The following MAF variants were observed in gnomAD, a reference collection of about 807,000 sequenced individuals.
MAF encodes the protein MAF bZIP transcription factor.
A neutral mutation model predicts 22.0 loss-of-function variants in MAF; 10 were observed. That is an observed-to-expected ratio of 0.45 (90% CI 0.28 to 0.77). The LOEUF is 0.77. MAF is among the 30% of genes least tolerant of loss of function. MAF has a pLI of 0.12. For synonymous variants in MAF, 337 were observed against 255.8 expected (o/e 1.32, Z -3.03); for missense variants, 544 against 548.4 (o/e 0.99, Z 0.08).
At chr16:79,547,035 C>G in the MAF span, among the ~76,000 whole-genome samples, 1 of 152,130 alleles carries the variant, frequency 6.6e-6, no homozygotes, top group Non-Finnish European at 1.5e-5. Flanking sequence ...CAGACATGGT[C>G]ACAGGACATG....
At chr16:79,258,629 G>A in the MAF span, among the ~76,000 whole-genome samples, 1 of 152,198 alleles carries the variant, frequency 6.6e-6, no homozygotes, top group Non-Finnish European at 1.5e-5. Flanking sequence ...GCCCTCAACA[G>A]GCTTTGGGGA....
chr16:79,498,131 G>C, the MAF span, among the ~76,000 whole-genome samples: 1 of 152,206 alleles, frequency 6.6e-6, no homozygotes, highest in Non-Finnish European at 1.5e-5. Context: ...CTGAGGTGTG[G>C]TCAGGCAGAG....
the MAF span, among the ~76,000 whole-genome samples, chr16:79,515,800 C>T: frequency 6.6e-6 from 1 of 152,118 alleles, no homozygotes; most frequent in Admixed American, 6.5e-5. Context: ...GTCTGAGATC[C>T]AGTGATGGAA....
At chr16:79,244,980 T>G in the MAF span, among the ~76,000 whole-genome samples, 2 of 152,070 alleles carry the variant, frequency 1.3e-5, no homozygotes, top group Non-Finnish European at 2.9e-5. Flanking sequence ...GTTTCCCTAT[T>G]TGATAAACGG....
the MAF span, among the ~76,000 whole-genome samples, chr16:79,228,965 A>T: frequency 6.6e-6 from 1 of 151,774 alleles, no homozygotes; most frequent in South Asian, 2.1e-4. Flanking sequence ...AGGGGCCAAG[A>T]TGGGCTTTCA....
At chr16:79,409,089 G>T in the MAF span, among the ~76,000 whole-genome samples, 1 of 152,016 alleles carries the variant, frequency 6.6e-6, no homozygotes, top group Non-Finnish European at 1.5e-5. Context: ...TGTGTAGCAG[G>T]ACGGCATTGG....
the MAF span, among the ~76,000 whole-genome samples, chr16:79,242,643 A>G: frequency 6.6e-6 from 1 of 151,976 alleles, no homozygotes; most frequent in Non-Finnish European, 1.5e-5. Flanking sequence ...GAGACAGATC[A>G]ATGAGACAGA....
the MAF span, among the ~76,000 whole-genome samples, chr16:79,394,955 CTATAGCACAGAGCA>C: frequency 6.6e-6 from 1 of 152,170 alleles, no homozygotes; most frequent in Admixed American, 6.5e-5. Flanking sequence ...CAGGCCAGCT[CTATAGCACAGAGCA>C]TATAGCACAG....
At chr16:79,263,027 G>A in the MAF span, among the ~76,000 whole-genome samples, 7 of 152,246 alleles carry the variant, frequency 4.6e-5, no homozygotes, top group African/African-American at 1.7e-4. Flanking sequence ...TCACCCATAG[G>A]ATGTGACTGA....
At chr16:79,422,447 T>C in the MAF span, among the ~76,000 whole-genome samples, 1 of 152,192 alleles carries the variant, frequency 6.6e-6, no homozygotes, top group Non-Finnish European at 1.5e-5. Context: ...TGGGTTAAAA[T>C]GACAGACCTG....
chr16:79,546,455 A>G, the MAF span, among the ~76,000 whole-genome samples: 3 of 152,204 alleles, frequency 2.0e-5, no homozygotes, highest in Non-Finnish European at 4.4e-5. Context: ...TTGAAAATGT[A>G]GGAAGTGATA....
At chr16:79,388,641 A>AATGG in the MAF span, among the ~76,000 whole-genome samples, 13 of 152,236 alleles carry the variant, frequency 8.5e-5, no homozygotes, top group Non-Finnish European at 1.6e-4. Context: ...TAGCCAATAA[A>AATGG]ATGGCCTAAA....
chr16:79,598,760 A>G, intron 1 of MAF, 25 bp downstream of exon 1: 2 of 1,613,676 alleles, frequency 1.2e-6, no homozygotes, highest in Non-Finnish European at 1.7e-6. Flanking sequence ...CAGGGTGGCT[A>G]GCTGGAATCG....
At chr16:79,309,165 C>T in the MAF span, among the ~76,000 whole-genome samples, 1 of 152,130 alleles carries the variant, frequency 6.6e-6, no homozygotes, top group Non-Finnish European at 1.5e-5. Flanking sequence ...CTTCAATAAG[C>T]CATGATACAG....
the MAF span, among the ~76,000 whole-genome samples, chr16:79,570,293 C>G: frequency 0.13 from 19,444 of 152,064 alleles, 1,479 homozygotes; most frequent in East Asian, 0.31. Context: ...CCAAAATGTC[C>G]TGTTATCCCC....
the MAF span, among the ~76,000 whole-genome samples, chr16:79,391,235 T>C: frequency 6.6e-6 from 1 of 152,142 alleles, no homozygotes; most frequent in African/African-American, 2.4e-5. Flanking sequence ...ATCTATACAA[T>C]GGGAATAATA....
At chr16:79,487,493 C>T in the MAF span, among the ~76,000 whole-genome samples, 1 of 151,942 alleles carries the variant, frequency 6.6e-6, no homozygotes, top group East Asian at 1.9e-4. Flanking sequence ...GTAAAAGAAC[C>T]TAAATGATTG....
chr16:79,436,979 T>C, the MAF span, among the ~76,000 whole-genome samples: 1 of 152,212 alleles, frequency 6.6e-6, no homozygotes, highest in Non-Finnish European at 1.5e-5. Context: ...ATCTGACTAT[T>C]TGTTCAGAAA....
the MAF span, among the ~76,000 whole-genome samples, chr16:79,489,349 C>T: frequency 6.6e-6 from 1 of 152,212 alleles, no homozygotes; most frequent in African/African-American, 2.4e-5. Flanking sequence ...ATCTATTTAT[C>T]CATCCATCCA....
Sources: allele counts gnomAD v4.1 joint callset (sites outside exome capture counted in the v4.1 genomes callset), GRCh38; gene constraint gnomAD v4.1.1; transcripts MANE v1.5; gene names NCBI Gene and HGNC (gene_info 2026-07-23, HGNC 2026-07-21).